Variants in ARMC8 observed in about 807,000 individuals in gnomAD.
ARMC8 encodes armadillo repeat-containing protein 8.
ARMC8 carries 20 observed loss-of-function variants against 99.3 expected under a neutral mutation model. That is an observed-to-expected ratio of 0.20 (90% confidence interval 0.14 to 0.29). The LOEUF (loss-of-function observed/expected upper bound fraction) is 0.29, where lower values mean the gene tolerates loss of function less well. Ranked by LOEUF, ARMC8 falls within the 10% of genes least tolerant of loss-of-function variation. The probability of loss-of-function intolerance (pLI) is 1.00; values close to 1 mark genes in which losing one functional copy is unlikely to be tolerated. For missense variants in ARMC8, 569 were observed against 809.5 expected (o/e 0.70, Z 3.60); for synonymous variants, 263 against 278.3 (o/e 0.95, Z 0.55).
At chr3:138,198,311 G>A (rs2043853384) in intron 1 of ARMC8, among the ~76,000 whole-genome samples, 1 of 151,866 alleles carries the variant, frequency 6.6e-6, no homozygotes, top group African/African-American at 2.4e-5. Flanking sequence ...ATAAAATCAT[G>A]GAATCTTTTC....
In ARMC8 at chr3:138,193,374, C is replaced by T. The variant is rs112409326; in HGVS notation, c.45+5775C>T. 3.9e-4 allele frequency among the ~76,000 whole-genome samples: 59 copies of T among 152,162 alleles called. 1 individual carries two copies. The highest frequency in any genetic ancestry group is 1.4e-3 in the African/African-American group (59 of 41,506). Reference sequence around the variant, plus strand: ...CTCCCAGGCTCAAGAGATTCTCGGGCCTCTGCCTCCCAAGTAGCTCAGATT... The same window carrying T: ...CTCCCAGGCTCAAGAGATTCTCGGGTCTCTGCCTCCCAAGTAGCTCAGATT... On this transcript the variant is annotated intron_variant, in intron 1 of 21. Transcript: ENST00000469044.
intron 6 of ARMC8, among the ~76,000 whole-genome samples, chr3:138,230,179 C>G (rs189256270): frequency 2.0e-5 from 3 of 152,126 alleles, no homozygotes; most frequent in African/African-American, 7.2e-5. Flanking sequence ...CAAACAATGC[C>G]TTATAATCTT....
intron 6 of ARMC8, 124 bp downstream of exon 6, chr3:138,229,134 GTATA>G (rs71146119): frequency 0.011 from 858 of 78,414 alleles, 11 homozygotes; most frequent in African/African-American, 0.013. Context: ...GTGTGTGCGT[GTATA>G]TATATATATA....
chr3:138,277,273 C>T (rs1169220211), intron 18 of ARMC8, among the ~76,000 whole-genome samples: 2 of 152,058 alleles, frequency 1.3e-5, no homozygotes, highest in Admixed American at 1.3e-4. Flanking sequence ...TACTGATAGA[C>T]ATAACATAAA....
Position 138,297,357 on chromosome 3 carries a change from A to T in ARMC8, c.*1465A>T, listed in dbSNP as rs898299039. On this transcript the variant is annotated 3_prime_UTR_variant, in exon 22 of 22. Coordinates refer to ENST00000469044, the MANE Select transcript of ARMC8 (RefSeq NM_001363941.2). ...AAGTTGCTCTTGACTGTTTGAAGGTAGAAGCAGCCTACCTTTTCTCTTTGC... is the reference window on the plus strand; with the variant it reads ...AAGTTGCTCTTGACTGTTTGAAGGTTGAAGCAGCCTACCTTTTCTCTTTGC... The T allele has an allele frequency of 6.6e-6, 1 of 152,200 alleles. No homozygotes were observed. Among genetic ancestry groups the T allele is most frequent in the African/African-American group, 2.4e-5 (1 of 41,454 alleles). 9.4% of individuals were successfully genotyped at this position (152,200 alleles called of 1,614,324 possible).
chr3:138,213,594 G>A (rs2044832603), intron 2 of ARMC8, among the ~76,000 whole-genome samples: 1 of 152,158 alleles, frequency 6.6e-6, no homozygotes, highest in Non-Finnish European at 1.5e-5. Context: ...ACAGAAGTAG[G>A]TATGTCAGTT....
intron 15 of ARMC8, among the ~76,000 whole-genome samples, chr3:138,268,490 C>G (rs2048485098): frequency 6.6e-6 from 1 of 152,156 alleles, no homozygotes; most frequent in African/African-American, 2.4e-5. Flanking sequence ...GATCTACCTT[C>G]AGGATATTTA....
intron 10 of ARMC8, among the ~76,000 whole-genome samples, chr3:138,239,730 G>A (rs77948065): frequency 0.062 from 9,510 of 152,180 alleles, 979 homozygotes; most frequent in African/African-American, 0.22. Flanking sequence ...TCGAAAGTCA[G>A]CGTGAAATAA....
At chr3:138,204,479 A>G (rs938994167) in intron 1 of ARMC8, among the ~76,000 whole-genome samples, 4 of 152,088 alleles carry the variant, frequency 2.6e-5, no homozygotes, top group East Asian at 1.9e-4. Flanking sequence ...TCTAGCTACT[A>G]TATTTCTTTA....
chr3:138,227,427 C>T (rs988412598), intron 5 of ARMC8, among the ~76,000 whole-genome samples: 3 of 152,172 alleles, frequency 2.0e-5, no homozygotes, highest in African/African-American at 2.4e-5. Flanking sequence ...ACCCCATTTC[C>T]CCTTCCCCGA....
intron 15 of ARMC8, 68 bp from the exon 16 acceptor site, chr3:138,269,972 T>G (rs2048637512): frequency 9.7e-7 from 1 of 1,026,828 alleles, no homozygotes; most frequent in South Asian, 1.3e-5. Context: ...AGTGCCAAGG[T>G]ATATGCATGT....
Position 138,209,882 on chromosome 3 carries a change from A to T in ARMC8, c.111A>T (p.Leu37=). 6.2e-7 allele frequency: 1 copy of T among 1,613,524 alleles called. No homozygotes were observed. The highest frequency in any genetic ancestry group is 8.5e-7 in the Non-Finnish European group (1 of 1,179,510). Residue 37 remains leucine (L), a synonymous_variant, in exon 2 of 22, where the codon CTA becomes CTT. Coordinates refer to ENST00000469044, the MANE Select transcript of ARMC8 (RefSeq NM_001363941.2). ...TTGACCCTGATCCCCAGAAAGTTCTACAAGGTGTCATGTAAGTAGTATGTA... is the reference window on the plus strand; with the variant it reads ...TTGACCCTGATCCCCAGAAAGTTCTTCAAGGTGTCATGTAAGTAGTATGTA... ...RLFDPDPQKV[L]QGVIDMKNAV...
At chr3:138,257,622 T>C (rs1382680757) in intron 12 of ARMC8, among the ~76,000 whole-genome samples, 1 of 152,152 alleles carries the variant, frequency 6.6e-6, no homozygotes, top group African/African-American at 2.4e-5. Flanking sequence ...AACTAGTGTC[T>C]TGATGGCGCT....
chr3:138,188,605 G>C (rs2043206606), intron 1 of ARMC8: 1 of 1,587,350 alleles, frequency 6.3e-7, no homozygotes, highest in Non-Finnish European at 8.6e-7. Context: ...TTTTAGACTT[G>C]TGGAAGCCAG....
At chr3:138,211,222 A>G (rs1477343349) in intron 2 of ARMC8, among the ~76,000 whole-genome samples, 1 of 152,228 alleles carries the variant, frequency 6.6e-6, no homozygotes, top group African/African-American at 2.4e-5. Flanking sequence ...ATATAACCAG[A>G]TAGCTCCGTA....
intron 14 of ARMC8, among the ~76,000 whole-genome samples, chr3:138,266,059 A>G (rs900935304): frequency 1.3e-5 from 2 of 152,242 alleles, no homozygotes; most frequent in East Asian, 3.8e-4. Context: ...GAGGCCTATC[A>G]GAACAGTATG....
chr3:138,276,986 C>G (rs538660629), intron 18 of ARMC8, among the ~76,000 whole-genome samples: 2 of 152,060 alleles, frequency 1.3e-5, no homozygotes, highest in African/African-American at 4.8e-5. Flanking sequence ...AAAACAGGAA[C>G]AATTGGAGGA....
chr3:138,200,836 A>G (rs377750221), intron 1 of ARMC8, among the ~76,000 whole-genome samples: 2 of 149,642 alleles, frequency 1.3e-5, no homozygotes, highest in South Asian at 4.2e-4. Context: ...TAATGATATC[A>G]CTTATTTATT....
At chr3:138,239,214 T>C in intron 9 of ARMC8, 1 of 372,376 alleles carries the variant, frequency 2.7e-6, no homozygotes, top group Non-Finnish European at 4.8e-6. Flanking sequence ...TTATTTATTT[T>C]TAAAACTATT....
Sources: allele counts gnomAD v4.1 joint callset (sites outside exome capture counted in the v4.1 genomes callset), GRCh38; gene constraint gnomAD v4.1.1; transcripts MANE v1.5; gene names NCBI Gene and HGNC (gene_info 2026-07-23, HGNC 2026-07-21).